The following TRPV5 variants were observed in gnomAD, a reference collection of about 807,000 sequenced individuals.
The protein encoded by TRPV5 is transient receptor potential cation channel subfamily V member 5.
TRPV5 carries 66 observed loss-of-function variants against 74.1 expected under a neutral mutation model. The ratio of observed to expected loss-of-function variants is 0.89; its 90% CI spans 0.73 to 1.09. TRPV5 has a LOEUF of 1.09. TRPV5 is among the 50% of genes least tolerant of loss of function. The probability of loss-of-function intolerance (pLI) is 0.00; values close to 1 mark genes in which losing one functional copy is unlikely to be tolerated. For synonymous variants in TRPV5, 399 were observed against 360.7 expected, an observed-to-expected ratio of 1.11 and a Z score of -1.20; for missense variants, 936 against 930.4, an observed-to-expected ratio of 1.01 and a Z score of -0.08.
chr7:142,915,267 G>C (rs1198207157), intron 10 of TRPV5, 40 bp downstream of exon 10: 1 of 1,602,898 alleles, frequency 6.2e-7, no homozygotes, highest in Non-Finnish European at 8.5e-7. Flanking sequence ...AAAAGATTCT[G>C]GTAAGGAAAG....
intron 8 of TRPV5, among the ~76,000 whole-genome samples, chr7:142,916,149 T>C (rs1338505019): frequency 6.6e-6 from 1 of 152,240 alleles, no homozygotes; most frequent in Admixed American, 6.5e-5. Context: ...AAGCTTACAT[T>C]AATGATATAT....
At chr7:142,925,295 G>A (rs1161551622) in intron 8 of TRPV5, 9 of 592,062 alleles carry the variant, frequency 1.5e-5, no homozygotes, top group Middle Eastern at 8.8e-4. Context: ...CTCATGCCAA[G>A]CACTCTTTCA....
rs1190952911 is a variant in TRPV5 at position 142,909,503 on chromosome 7, G to A, written c.1882C>T (p.Arg628Cys). The change falls in exon 14 of 15, where the codon CGC becomes TGC. Residue 628 changes from arginine to cysteine, a missense_variant. Arg to Cys is a radical substitution (Grantham distance 180, BLOSUM62 -3). Coordinates refer to ENST00000265310, the MANE Select transcript of TRPV5 (RefSeq NM_019841.7). ...ICGCEFGLGD[R>C]WFLRVENHND... ...ACCATCACTCACCGCAGGAACCAGC[G>A]GTCCCCCAGCCCGAATTCGCACCCA... 9 of 1,613,726 alleles carry A rather than the reference G, an allele frequency of 5.6e-6. No homozygotes were observed. Among genetic ancestry groups the A allele is most frequent in the East Asian group, 2.2e-5 (1 of 44,886 alleles).
intron 12 of TRPV5, among the ~76,000 whole-genome samples, chr7:142,913,285 G>A (rs909342113): frequency 6.6e-6 from 1 of 152,306 alleles, no homozygotes; most frequent in South Asian, 2.1e-4. Context: ...TTCCTGCTTA[G>A]GGTGGAGCCT....
rs1231211407 is a variant in TRPV5 at position 142,915,332 on chromosome 7, G to A, written c.1261C>T (p.Leu421Phe). 1 of 1,608,604 alleles carries A rather than the reference G, an allele frequency of 6.2e-7. No homozygotes were observed. Among genetic ancestry groups the A allele is most frequent in the African/African-American group, 1.3e-5 (1 of 74,516 alleles). Residue 421 changes from leucine (L) to phenylalanine (F), a missense_variant, in exon 10 of 15, where the codon CTT becomes TTT. Physicochemically the swap from Leu to Phe is conservative, Grantham distance 22 (BLOSUM62 0). Transcript: ENST00000265310. ...GASRYFGKTI[L>F]GGPFHVIIIT... ...ATGATGACATGGAATGGCCCCCCAA[G>A]AATCGTCTTTCCAAAATAGCGAGAG... is the stretch of plus-strand genomic sequence containing the variant.
chr7:142,911,500 C>T (rs190388268), intron 13 of TRPV5, among the ~76,000 whole-genome samples: 1 of 152,310 alleles, frequency 6.6e-6, no homozygotes, highest in Non-Finnish European at 1.5e-5. Context: ...AAATGTTGCT[C>T]CCTCAGGAAA....
In TRPV5 at chr7:142,908,643, G is replaced by A; in HGVS notation, c.2061C>T (p.Ser687=). 2 of 1,614,242 alleles carry A rather than the reference G, an allele frequency of 1.2e-6. No homozygotes were observed. The highest frequency in any genetic ancestry group is 1.3e-5 in the African/African-American group (1 of 75,060). ...TGCTCTGGGACGCGGTCCGGGACAG[G>A]GAGGAAGTTGGAAGAGCCAAAGAGG... The part of the protein sequence containing the change: ...ARASLALPTS[S]LSRTASQSSS... Residue 687 remains serine (S), a synonymous_variant, in exon 15 of 15, where the codon TCC becomes TCT. Transcript: ENST00000265310.
At chr7:142,917,881 C>A (rs1231335720) in intron 8 of TRPV5, among the ~76,000 whole-genome samples, 3 of 152,136 alleles carry the variant, frequency 2.0e-5, no homozygotes, top group East Asian at 1.9e-4. Flanking sequence ...ATAAACTAAT[C>A]TCTCTGGAAA....
intron 13 of TRPV5, among the ~76,000 whole-genome samples, chr7:142,911,020 TGGAA>T (rs1450043871): frequency 1.3e-5 from 2 of 152,112 alleles, no homozygotes; most frequent in Admixed American, 1.3e-4. Context: ...AGATGGAACA[TGGAA>T]GGAATTGGCA....
Position 142,915,323 on chromosome 7 carries a change from GC to G in TRPV5, c.1269del (p.Pro424HisfsTer15). The stretch of plus-strand genomic sequence containing the variant: ...GATACTCACATGATGACATGGAATG[GC>G]CCCCCAAGAATCGTCTTTCCAAAAT... ...SRYFGKTILG[G>X]PFHVIIITYA... On this transcript the variant is annotated frameshift_variant, in exon 10 of 15. Transcript: ENST00000265310. LOFTEE classifies it high-confidence loss of function. The G allele has an allele frequency of 6.2e-7, 1 of 1,608,742 alleles. No homozygotes were observed. Among genetic ancestry groups the G allele is most frequent in the South Asian group, 1.1e-5 (1 of 90,288 alleles).
intron 8 of TRPV5, among the ~76,000 whole-genome samples, chr7:142,923,087 C>T (rs1365100129): frequency 6.6e-6 from 1 of 152,122 alleles, no homozygotes; most frequent in Non-Finnish European, 1.5e-5. Context: ...GGTGATGGAG[C>T]CCAGTGATTT....
At chr7:142,911,447 C>A (rs542928208) in intron 13 of TRPV5, among the ~76,000 whole-genome samples, 1 of 152,334 alleles carries the variant, frequency 6.6e-6, no homozygotes, top group East Asian at 1.9e-4. Context: ...TCCCTCCTTC[C>A]TTTTAACTAC....
At chr7:142,924,287 CATGTATAT>C in intron 8 of TRPV5, among the ~76,000 whole-genome samples, 1 of 89,212 alleles carries the variant, frequency 1.1e-5, no homozygotes, top group Non-Finnish European at 2.2e-5. Context: ...TATACATATA[CATGTATAT>C]ATATACATAT....
intron 13 of TRPV5, 71 bp downstream of exon 13, chr7:142,912,411 C>A: frequency 6.4e-7 from 1 of 1,551,990 alleles, no homozygotes; most frequent in Non-Finnish European, 8.7e-7. Flanking sequence ...AATGATCCAC[C>A]ATAACATTTT....
Position 142,908,609 on chromosome 7 carries a change from G to T in TRPV5, c.2095C>A (p.Arg699=). 6.2e-7 allele frequency: 1 copy of T among 1,614,230 alleles called. No individual in the cohort carries two copies. The highest frequency in any genetic ancestry group is 8.5e-7 in the Non-Finnish European group (1 of 1,180,046). The change falls in exon 15 of 15, where the codon CGA becomes AGA. Residue 699 remains arginine, a synonymous_variant. Transcript: ENST00000265310. ...SRTASQSSSH[R]GWEILRQNTL... Reference sequence around the variant, plus strand: ...TTTTGACGAAGGATCTCCCAGCCTCGGTGACTGCTGCTCTGGGACGCGGTC... The same window carrying T: ...TTTTGACGAAGGATCTCCCAGCCTCTGTGACTGCTGCTCTGGGACGCGGTC...
intron 8 of TRPV5, chr7:142,925,175 G>A (rs758629935): frequency 6.2e-6 from 3 of 482,166 alleles, no homozygotes; most frequent in Non-Finnish European, 1.1e-5. Context: ...AAATGGACTT[G>A]GAGCACAATT....
chr7:142,926,534 G>C (rs193165200), intron 7 of TRPV5, among the ~76,000 whole-genome samples: 1 of 152,240 alleles, frequency 6.6e-6, no homozygotes, highest in African/African-American at 2.4e-5. Context: ...AGACATGCTC[G>C]GCAGTGTAGG....
intron 13 of TRPV5, among the ~76,000 whole-genome samples, chr7:142,911,244 T>G (rs1795696885): frequency 6.6e-6 from 1 of 152,170 alleles, no homozygotes; most frequent in African/African-American, 2.4e-5. Flanking sequence ...GAGGAATGGA[T>G]GTAATGTATA....
chr7:142,908,149 G>T lies in TRPV5; in HGVS notation c.*365C>A. On this transcript the variant is annotated 3_prime_UTR_variant, in exon 15 of 15. Transcript: ENST00000265310. ...CTATGCCATGCCTGGCTCTTCCCAC[G>T]TAAGCCCTGGGGAGCCAGAAAAGCC... 3.9e-6 allele frequency: 1 copy of T among 257,212 alleles called. No individual in the cohort carries two copies. Among genetic ancestry groups the T allele is most frequent in the Non-Finnish European group, 7.4e-6 (1 of 134,466 alleles). The allele number at this position is 257,212 out of a possible 1,614,324, so 15.9% of individuals were successfully genotyped here. A position where few individuals can be genotyped will look rare whatever the true frequency, so the allele number is the denominator to read the frequency against.
Sources: gnomAD v4.1 joint callset for allele counts (sites outside exome capture counted in the v4.1 genomes callset) on GRCh38, gnomAD v4.1.1 for gene constraint, MANE v1.5 for transcripts, NCBI Gene and HGNC (gene_info 2026-07-23, HGNC 2026-07-21) for gene names.